The following LTV1 variants were observed in gnomAD, a reference collection of about 807,000 sequenced individuals.
The protein encoded by LTV1 is protein LTV1 homolog.
Under a neutral mutation model 59.9 loss-of-function variants are expected in LTV1, and 39 were observed. That is an observed-to-expected ratio of 0.65 (90% CI 0.50 to 0.85). LTV1 has a LOEUF of 0.85. Among genes scored for constraint, LTV1 ranks in the 40% least tolerant of loss-of-function variants. LTV1 has a pLI of 0.00. For synonymous variants in LTV1, 171 were observed against 189.5 expected (o/e 0.90, Z 0.80); for missense variants, 493 against 549.1 (o/e 0.90, Z 1.02).
At position 143,863,206 on chromosome 6, in the gene LTV1, G is replaced by A. The variant is rs769458684; in HGVS notation, c.1237G>A (p.Val413Ile). 6.2e-7 allele frequency: 1 copy of A among 1,613,966 alleles called. No individual in the cohort carries two copies. Among genetic ancestry groups the A allele is most frequent in the East Asian group, 2.2e-5 (1 of 44,830 alleles). Residue 413 changes from valine to isoleucine, a missense_variant, in exon 10 of 11, where the codon GTA becomes ATA. Val to Ile is a conservative substitution (Grantham distance 29). Coordinates refer to ENST00000367576, the MANE Select transcript of LTV1 (RefSeq NM_032860.5). The surrounding 1 kb of genome is among the most constrained non-coding windows in gnomAD (Gnocchi z 4.5). ...GATTAATGGCAGTGATCTTCCTAAA[G>A]TATCAACTCAGCCACGTTCTAAAAA... ...QMINGSDLPK[V>I]STQPRSKNES...
rs557397972 is a variant in LTV1, at chr6:143,855,947, C to T, written c.398-1356C>T. Among the ~76,000 whole-genome samples the T allele has an allele frequency of 2.2e-3, 316 of 140,526 alleles. 1 individual carries two copies. The highest frequency in any genetic ancestry group is 8.4e-3 in the African/African-American group (307 of 36,556). 92.2% of individuals were successfully genotyped at this position (140,526 alleles called of 152,430 possible). A position where few individuals can be genotyped will look rare whatever the true frequency, so the allele number is the denominator to read the frequency against. ...TGGGGTTGCTCTTCTCGAGGAGTAT[C>T]TTTGTGGTTCCTGAATTTGAATGTT... On this transcript the variant is annotated intron_variant, in intron 4 of 10. Transcript: ENST00000367576. This position sits in a 1 kb window ranked among gnomAD's most constrained non-coding sequence, Gnocchi z 4.6.
chr6:143,851,753 G>C (rs1206700347), intron 4 of LTV1, among the ~76,000 whole-genome samples: 6 of 151,896 alleles, frequency 4.0e-5, no homozygotes, highest in African/African-American at 1.5e-4. Flanking sequence ...GCCCCAGTGT[G>C]TGATGTTCCC....
At chr6:143,849,117 C>T (rs1321270248) in intron 3 of LTV1, among the ~76,000 whole-genome samples, 1 of 152,100 alleles carries the variant, frequency 6.6e-6, no homozygotes, top group Non-Finnish European at 1.5e-5. Context: ...TTAATCTCGC[C>T]ATGGGTATGA....
At position 143,848,360 on chromosome 6, in the gene LTV1, G is replaced by A. The variant is rs374014889; in HGVS notation, c.310-1771G>A. 5.5e-3 allele frequency among the ~76,000 whole-genome samples: 841 copies of A among 152,290 alleles called. 9 individuals are homozygous for A. Among genetic ancestry groups the A allele is most frequent in the African/African-American group, 0.019 (795 of 41,558 alleles). On this transcript the variant is annotated intron_variant, in intron 3 of 10. Transcript: ENST00000367576. ...TGTATGTGAATGATGTCTTAGTAAA[G>A]CTGTTTTCTTAAAAATATACTCTAC... is the stretch of plus-strand genomic sequence containing the variant.
chr6:143,852,054 A>G (rs1193056874), intron 4 of LTV1, among the ~76,000 whole-genome samples: 1 of 152,208 alleles, frequency 6.6e-6, no homozygotes, highest in Non-Finnish European at 1.5e-5. Context: ...GTGTCTTTAT[A>G]GTAGAATGAT....
chr6:143,857,038 G>A lies in LTV1; in HGVS notation c.398-265G>A, dbSNP rs1001202373. Among the ~76,000 whole-genome samples the A allele has an allele frequency of 3.3e-5, 5 of 152,218 alleles. No homozygotes were observed. The highest frequency in any genetic ancestry group is 2.0e-4 in the Admixed American group (3 of 15,284). ...GTCTGCTGAAGCTGTGCCCACAGCC[G>A]CCCCTTCCCCCAGGTGCTCTGTCCC... On this transcript the variant is annotated intron_variant, in intron 4 of 10. Transcript: ENST00000367576. This position sits in a 1 kb window ranked among gnomAD's most constrained non-coding sequence, Gnocchi z 5.2.
rs35521359 is a variant in LTV1 at position 143,844,672 on chromosome 6, CTTTTTTT to C, written c.135+62_135+68del. 67 of 1,265,410 alleles carry C rather than the reference CTTTTTTT, an allele frequency of 5.3e-5. No individual in the cohort carries two copies. The East Asian group carries it at 1.8e-3, about 33-fold the overall frequency. The allele number at this position is 1,265,410 out of a possible 1,614,324, so 78.4% of individuals were successfully genotyped here. ...GTAGGTAGACAATAGTTTTTTTTTTCTTTTTTTTTTTTTAAATAAATAGAGTCTTAGC... is the reference window on the plus strand; with the variant it reads ...GTAGGTAGACAATAGTTTTTTTTTTCTTTTTTAAATAAATAGAGTCTTAGC... On this transcript the variant is annotated intron_variant, in intron 2 of 10. Transcript: ENST00000367576.
chr6:143,845,368 A>G (rs931345002), intron 2 of LTV1, among the ~76,000 whole-genome samples: 6 of 152,100 alleles, frequency 3.9e-5, no homozygotes, highest in African/African-American at 1.4e-4. Context: ...TTGCATATAA[A>G]TACAAGAAAT....
rs1777146039 is a variant in LTV1 at position 143,860,561 on chromosome 6, G to A, written c.923+8G>A. Reference sequence around the variant, plus strand: ...TAAAGAGAAGGCAGAGAAGTATAGTGACTTTTCCTTCCTTGTTTAGCTGTT... The same window carrying A: ...TAAAGAGAAGGCAGAGAAGTATAGTAACTTTTCCTTCCTTGTTTAGCTGTT... On this transcript the variant is annotated splice_region_variant and intron_variant, in intron 7 of 10. Coordinates refer to ENST00000367576, the MANE Select transcript of LTV1 (RefSeq NM_032860.5). The A allele has an allele frequency of 6.3e-7, 1 of 1,595,764 alleles. No individual in the cohort carries two copies. The highest frequency in any genetic ancestry group is 1.3e-5 in the African/African-American group (1 of 74,128).
intron 3 of LTV1, among the ~76,000 whole-genome samples, chr6:143,849,524 T>C (rs1776947624): frequency 6.6e-6 from 1 of 152,210 alleles, no homozygotes; most frequent in South Asian, 2.1e-4. Context: ...TCATGGGATC[T>C]GAGGGATAAA....
chr6:143,846,694 C>T lies in LTV1; in HGVS notation c.309+470C>T, dbSNP rs554069558. Among the ~76,000 whole-genome samples the T allele has an allele frequency of 1.6e-3, 241 of 152,288 alleles. 1 individual carries two copies. Among genetic ancestry groups the T allele is most frequent in the African/African-American group, 5.4e-3 (225 of 41,546 alleles). Reference sequence around the variant, plus strand: ...CTGTCTTGTAAACAAATGTTCGGTCCACTTTAATACCTTCTCTTTCAGGAC... The same window carrying T: ...CTGTCTTGTAAACAAATGTTCGGTCTACTTTAATACCTTCTCTTTCAGGAC... On this transcript the variant is annotated intron_variant, in intron 3 of 10. Transcript: ENST00000367576.
In LTV1 at chr6:143,863,566, T is replaced by C. The variant is rs752732474; in HGVS notation, c.*39T>C. The C allele has an allele frequency of 1.5e-6, 2 of 1,344,732 alleles. No homozygotes were observed. The highest frequency in any genetic ancestry group is 4.7e-5 in the East Asian group (2 of 42,986). 83.3% of individuals were successfully genotyped at this position (1,344,732 alleles called of 1,614,324 possible). Reference sequence around the variant, plus strand: ...CAGGGCAAGGCACTTTATTAGGGGCTCCTCATCTTTGGTTATTGACTAGAA... The same window carrying C: ...CAGGGCAAGGCACTTTATTAGGGGCCCCTCATCTTTGGTTATTGACTAGAA... On this transcript the variant is annotated 3_prime_UTR_variant, in exon 11 of 11. Transcript: ENST00000367576. This position sits in a 1 kb window ranked among gnomAD's most constrained non-coding sequence, Gnocchi z 4.5.
In LTV1 at chr6:143,846,163, C is replaced by A; in HGVS notation, c.248C>A (p.Pro83His). The change falls in exon 3 of 11, where the codon CCC becomes CAC. Residue 83 changes from proline to histidine, a missense_variant. Pro to His is a moderately conservative substitution (Grantham distance 77). Transcript: ENST00000367576. The part of the protein sequence containing the change: ...KEPSGPSELI[P>H]SSTFSAHNRR... ...CCATCTGGGCCTTCAGAGCTTATTC[C>A]CTCAAGTACCTTCAGTGCACACAAC... The A allele has an allele frequency of 6.2e-7, 1 of 1,614,184 alleles. No individual in the cohort carries two copies. The highest frequency in any genetic ancestry group is 8.5e-7 in the Non-Finnish European group (1 of 1,180,028).
chr6:143,859,029 T>A (rs749342213), intron 6 of LTV1, among the ~76,000 whole-genome samples: 2 of 152,186 alleles, frequency 1.3e-5, no homozygotes, highest in African/African-American at 2.4e-5. Flanking sequence ...CCCCCTTGAA[T>A]TCTGACATCC....
At position 143,846,116 on chromosome 6, in the gene LTV1, C is replaced by G; in HGVS notation, c.201C>G (p.Asp67Glu). ...GAGTGTTCTTTGATGACGACTATGA[C>G]TACCTGCAGCACCTGAAGGAACCAT... ...KYGVFFDDDY[D>E]YLQHLKEPSG... is the part of the protein sequence containing the mutation. Residue 67 changes from aspartate to glutamate, a missense_variant, in exon 3 of 11, where the codon GAC becomes GAG. Transcript: ENST00000367576. The G allele has an allele frequency of 6.2e-7, 1 of 1,614,214 alleles. No individual in the cohort carries two copies. Among genetic ancestry groups the G allele is most frequent in the Non-Finnish European group, 8.5e-7 (1 of 1,180,016 alleles).
chr6:143,859,664 C>T (rs2128492077), intron 6 of LTV1, among the ~76,000 whole-genome samples: 1 of 152,198 alleles, frequency 6.6e-6, no homozygotes, highest in East Asian at 1.9e-4. Context: ...GAGATATATC[C>T]CCCCCATTTA....
intron 3 of LTV1, among the ~76,000 whole-genome samples, chr6:143,849,302 C>T (rs1474907543): frequency 6.6e-6 from 1 of 152,068 alleles, no homozygotes; most frequent in Non-Finnish European, 1.5e-5. Flanking sequence ...TTAAGATTGC[C>T]AATTCATACA....
chr6:143,858,999 T>C (rs1777121758), intron 6 of LTV1, among the ~76,000 whole-genome samples: 1 of 152,140 alleles, frequency 6.6e-6, no homozygotes, highest in Non-Finnish European at 1.5e-5. Flanking sequence ...AGGAGTTGGC[T>C]GATCAAACGT....
At chr6:143,853,644 T>A (rs1777023901) in intron 4 of LTV1, among the ~76,000 whole-genome samples, 1 of 152,224 alleles carries the variant, frequency 6.6e-6, no homozygotes, top group South Asian at 2.1e-4. Context: ...ATATGTTCCA[T>A]CAATACCTAG....
Sources: gnomAD v4.1 joint callset for allele counts (sites outside exome capture counted in the v4.1 genomes callset) on GRCh38, gnomAD v4.1.1 for gene constraint, Gnocchi (gnomAD v3.1) non-coding constraint, MANE v1.5 for transcripts, NCBI Gene and HGNC (gene_info 2026-07-23, HGNC 2026-07-21) for gene names.